Variants in GABRA2 observed in about 807,000 individuals in gnomAD.
The protein encoded by GABRA2 is gamma-aminobutyric acid type A receptor subunit alpha2.
In GABRA2, 16 loss-of-function variants were observed where a neutral mutation model predicts 48.7. That is an observed-to-expected ratio of 0.33 (90% CI 0.22 to 0.50). The LOEUF is 0.50. Ranked by LOEUF, GABRA2 falls within the 20% of genes least tolerant of loss-of-function variation. GABRA2 has a pLI of 0.98. For synonymous variants in GABRA2, 185 were observed against 184.5 expected (o/e 1.00, Z -0.02); for missense variants, 275 against 535.6 (o/e 0.51, Z 4.80).
chr4:46,258,545 C>T (rs1166237033), intron 9 of GABRA2, among the ~76,000 whole-genome samples: 1 of 151,772 alleles, frequency 6.6e-6, no homozygotes, highest in African/African-American at 2.4e-5. Context: ...AAAACAAAAA[C>T]AGCATTAAAG....
At chr4:46,382,193 C>CATATATATATATAT (rs71652883) in intron 3 of GABRA2, among the ~76,000 whole-genome samples, 12 of 148,354 alleles carry the variant, frequency 8.1e-5, no homozygotes, top group Admixed American at 2.7e-4. Flanking sequence ...CACACACACA[C>CATATATATATATAT]ATATATATAT....
intron 3 of GABRA2, among the ~76,000 whole-genome samples, chr4:46,373,939 C>T (rs993686236): frequency 2.0e-5 from 3 of 152,108 alleles, no homozygotes; most frequent in Non-Finnish European, 2.9e-5. Flanking sequence ...ACCAGCCTTG[C>T]AATTCCGTTT....
At chr4:46,332,141 G>A (rs1307291409) in intron 4 of GABRA2, among the ~76,000 whole-genome samples, 1 of 152,046 alleles carries the variant, frequency 6.6e-6, no homozygotes, top group Non-Finnish European at 1.5e-5. Flanking sequence ...TATACGTATT[G>A]TATGTATGTA....
At chr4:46,298,306 TC>T (rs1219621437) in intron 8 of GABRA2, among the ~76,000 whole-genome samples, 1 of 151,900 alleles carries the variant, frequency 6.6e-6, no homozygotes, top group Non-Finnish European at 1.5e-5. Context: ...GTTGTGCTCA[TC>T]TTTTTATTAG....
At chr4:46,324,357 A>G (rs1729961765) in intron 4 of GABRA2, among the ~76,000 whole-genome samples, 1 of 151,906 alleles carries the variant, frequency 6.6e-6, no homozygotes, top group South Asian at 2.1e-4. Context: ...TCAACTATCT[A>G]CATGTATTGA....
At chr4:46,264,042 C>T (rs1276245298) in intron 8 of GABRA2, among the ~76,000 whole-genome samples, 1 of 151,728 alleles carries the variant, frequency 6.6e-6, no homozygotes, top group African/African-American at 2.4e-5. Context: ...TCTTTCATCT[C>T]CTTCATTAAA....
chr4:46,256,335 T>A, intron 9 of GABRA2: 1 of 687,840 alleles, frequency 1.5e-6, no homozygotes, highest in Non-Finnish European at 2.7e-6. Context: ...TTCACTGAGT[T>A]GTATGTTAAT....
intron 3 of GABRA2, among the ~76,000 whole-genome samples, chr4:46,361,558 T>C (rs1713190699): frequency 6.6e-6 from 1 of 152,042 alleles, no homozygotes; most frequent in Non-Finnish European, 1.5e-5. Flanking sequence ...GCTAGAACAA[T>C]GAGGAAGGGA....
At chr4:46,343,982 A>C (rs1036338547) in intron 3 of GABRA2, among the ~76,000 whole-genome samples, 3 of 151,940 alleles carry the variant, frequency 2.0e-5, no homozygotes, top group African/African-American at 7.2e-5. Context: ...GGTTCCTGTG[A>C]GGATTAAGGC....
chr4:46,370,891 AG>A (rs960347796), intron 3 of GABRA2, among the ~76,000 whole-genome samples: 1 of 151,958 alleles, frequency 6.6e-6, no homozygotes, highest in Non-Finnish European at 1.5e-5. Context: ...CCTTGAAACA[AG>A]CCACACACAC....
intron 8 of GABRA2, among the ~76,000 whole-genome samples, chr4:46,275,393 A>G (rs1026794695): frequency 1.3e-4 from 20 of 152,156 alleles, no homozygotes; most frequent in African/African-American, 4.6e-4. Flanking sequence ...TGTGATTCAC[A>G]TCAAATGAAA....
chr4:46,371,887 T>A (rs1714952456), intron 3 of GABRA2, among the ~76,000 whole-genome samples: 1 of 152,164 alleles, frequency 6.6e-6, no homozygotes, highest in South Asian at 2.1e-4. Flanking sequence ...CACTACATTA[T>A]ATTCTTTATG....
chr4:46,258,435 T>C (rs1030118063), intron 9 of GABRA2, among the ~76,000 whole-genome samples: 1 of 151,862 alleles, frequency 6.6e-6, no homozygotes, highest in African/African-American at 2.4e-5. Flanking sequence ...ATATTTGTGC[T>C]GAGGATGGCA....
chr4:46,287,501 T>C (rs1374610365), intron 8 of GABRA2, among the ~76,000 whole-genome samples: 1 of 150,618 alleles, frequency 6.6e-6, no homozygotes, highest in Non-Finnish European at 1.5e-5. Context: ...AAATTGGAAA[T>C]CATCATTCTC....
At position 46,247,920 on chromosome 4, in the gene GABRA2, C is replaced by T. The variant is rs1402352723; in HGVS notation, c.*2388G>A. On this transcript the variant is annotated 3_prime_UTR_variant, in exon 10 of 10. Transcript: ENST00000381620. ...AAGAAATAACAAAGAATTCTGATCC[C>T]TAGCACTGAAAAATCTGAACTGCCA... 6.6e-6 allele frequency among the ~76,000 whole-genome samples: 1 copy of T among 151,092 alleles called. No individual in the cohort carries two copies. The highest frequency in any genetic ancestry group is 2.0e-4 in the East Asian group (1 of 5,106).
intron 8 of GABRA2, among the ~76,000 whole-genome samples, chr4:46,296,695 G>A (rs1176326086): frequency 1.3e-5 from 2 of 149,954 alleles, no homozygotes; most frequent in Non-Finnish European, 1.5e-5. Flanking sequence ...TGAGGTGCTT[G>A]CTGAAGGCAA....
At chr4:46,319,481 A>T (rs1729091014) in intron 4 of GABRA2, among the ~76,000 whole-genome samples, 1 of 151,848 alleles carries the variant, frequency 6.6e-6, no homozygotes, top group South Asian at 2.1e-4. Context: ...CTTGGAATAC[A>T]CAAGAATAAT....
chr4:46,289,748 G>T (rs1051659574), intron 8 of GABRA2, among the ~76,000 whole-genome samples: 1 of 151,928 alleles, frequency 6.6e-6, no homozygotes, highest in Non-Finnish European at 1.5e-5. Context: ...TACATGTTTG[G>T]GTTTGTTTCT....
In GABRA2 at chr4:46,256,367, G is replaced by A. The variant is rs780186235; in HGVS notation, c.1059+5559C>T. On this transcript the variant is annotated intron_variant, in intron 9 of 9. Coordinates refer to ENST00000381620, the MANE Select transcript of GABRA2 (RefSeq NM_000807.4). The stretch of plus-strand genomic sequence containing the variant: ...TAATGTAATGCCTTCAGCTTTTATT[G>A]AAGGGGACTACAAGAAACATCAATA... The A allele has an allele frequency of 1.4e-5, 9 of 649,450 alleles. No homozygotes were observed. In the South Asian group the frequency reaches 1.6e-4, roughly 11 times the overall value. The allele number at this position is 649,450 out of a possible 1,614,324, so 40.2% of individuals were successfully genotyped here. A position where few individuals can be genotyped will look rare whatever the true frequency, so the allele number is the denominator to read the frequency against.
Sources: gnomAD v4.1 joint callset for allele counts (sites outside exome capture counted in the v4.1 genomes callset) on GRCh38, gnomAD v4.1.1 for gene constraint, MANE v1.5 for transcripts, NCBI Gene and HGNC (gene_info 2026-07-23, HGNC 2026-07-21) for gene names.